The following PCDHGB5 variants were observed in gnomAD, a reference collection of about 807,000 sequenced individuals.
The protein encoded by PCDHGB5 is protocadherin gamma-B5.
In PCDHGB5, 48 loss-of-function variants were observed where a neutral mutation model predicts 62.9. The observed-to-expected ratio is 0.76, with a 90% CI of 0.61 to 0.97. The LOEUF is 0.97. Among genes scored for constraint, PCDHGB5 ranks in the 50% least tolerant of loss-of-function variants. The probability of loss-of-function intolerance (pLI) is 0.00; values close to 1 mark genes in which losing one functional copy is unlikely to be tolerated. For missense variants in PCDHGB5, 1,118 were observed against 1,198.6 expected (o/e 0.93, Z 0.99); for synonymous variants, 474 against 511.2 (o/e 0.93, Z 0.98).
In PCDHGB5 at chr5:141,400,037, G is replaced by A; in HGVS notation, c.1910G>A (p.Arg637His). The change falls in exon 1 of 4, where the codon CGC becomes CAC. Residue 637 changes from arginine (R) to histidine (H), a missense_variant. This residue lies in a region of PCDHGB5 where 1,034 missense variants were observed against 1,029.1 expected (regional missense o/e 1.00). Transcript: ENST00000617380. ...ALGDRDAARQ[R>H]LLVAVRDGGQ... The stretch of plus-strand genomic sequence containing the variant: ...GGCGACAGGGACGCGGCCCGCCAGC[G>A]CCTGCTGGTTGCTGTGCGTGATGGT... 4 of 1,613,246 alleles carry A rather than the reference G, an allele frequency of 2.5e-6. No individual in the cohort carries two copies. The highest frequency in any genetic ancestry group is 1.3e-5 in the African/African-American group (1 of 75,050).
chr5:141,469,747 C>T (rs1392088794), intron 1 of PCDHGB5, among the ~76,000 whole-genome samples: 1 of 152,134 alleles, frequency 6.6e-6, no homozygotes, highest in Non-Finnish European at 1.5e-5. Context: ...TCAAAAATTA[C>T]AAAAATACAT....
intron 1 of PCDHGB5, among the ~76,000 whole-genome samples, chr5:141,466,080 C>A (rs1186062704): frequency 6.6e-6 from 1 of 152,108 alleles, no homozygotes; most frequent in East Asian, 1.9e-4. Flanking sequence ...TGATATCATG[C>A]CACTGCACTC....
intron 1 of PCDHGB5, chr5:141,413,798 AAG>A (rs914638812): frequency 2.7e-5 from 44 of 1,613,066 alleles, no homozygotes; most frequent in Non-Finnish European, 3.5e-5. Context: ...GATCGCGAGG[AAG>A]AGGCCATTCA....
At chr5:141,418,742 G>GA in intron 1 of PCDHGB5, 1 of 1,613,896 alleles carries the variant, frequency 6.2e-7, no homozygotes, top group Non-Finnish European at 8.5e-7. Flanking sequence ...GTTCTCTCTG[G>GA]ATTACACTAC....
chr5:141,399,663 G>T lies in PCDHGB5; in HGVS notation c.1536G>T (p.Ala512=), dbSNP rs766997364. 4 of 1,613,506 alleles carry T rather than the reference G, an allele frequency of 2.5e-6. No homozygotes were observed. The highest frequency in any genetic ancestry group is 3.3e-5 in the Admixed American group (2 of 60,000). ...SMSAQSGVVF[A]QRAFDYEQLR... Reference sequence around the variant, plus strand: ...GCGCGCAAAGTGGGGTGGTGTTCGCGCAGCGCGCCTTTGACTACGAGCAGC... The same window carrying T: ...GCGCGCAAAGTGGGGTGGTGTTCGCTCAGCGCGCCTTTGACTACGAGCAGC... Residue 512 remains alanine, a synonymous_variant, in exon 1 of 4, where the codon GCG becomes GCT. Transcript: ENST00000617380.
chr5:141,482,609 A>G (rs2099569274), intron 1 of PCDHGB5, among the ~76,000 whole-genome samples: 1 of 151,770 alleles, frequency 6.6e-6, no homozygotes, highest in African/African-American at 2.4e-5. Context: ...AAACACCTAA[A>G]TGAGCCTGGA....
chr5:141,431,685 A>C lies in PCDHGB5; in HGVS notation c.2397+31161A>C. The C allele has an allele frequency of 6.2e-7, 1 of 1,614,246 alleles. No homozygotes were observed. Among genetic ancestry groups the C allele is most frequent in the East Asian group, 2.2e-5 (1 of 44,876 alleles). ...ATATCAACAATAGGGGAGTTGGACCACGAGGAGTCAGGATTCTACCAGATG... is the reference window on the plus strand; with the variant it reads ...ATATCAACAATAGGGGAGTTGGACCCCGAGGAGTCAGGATTCTACCAGATG... On this transcript the variant is annotated intron_variant, in intron 1 of 3. Transcript: ENST00000617380. This position sits in a 1 kb window ranked among gnomAD's most constrained non-coding sequence, Gnocchi z 4.8.
intron 1 of PCDHGB5, chr5:141,403,146 G>A (rs1400601984): frequency 1.9e-6 from 3 of 1,613,938 alleles, no homozygotes; most frequent in African/African-American, 2.7e-5. Flanking sequence ...CGCCGAGTCC[G>A]CATCGTCTCT....
chr5:141,477,080 A>C lies in PCDHGB5; in HGVS notation c.2398-17727A>C. 1 of 1,614,254 alleles carries C rather than the reference A, an allele frequency of 6.2e-7. No homozygotes were observed. ...GGACACCAAACTCCATGAGATTTAC[A>C]TCCAGGCCAAAGACAAGGGCGCCAA... On this transcript the variant is annotated intron_variant, in intron 1 of 3. Coordinates refer to ENST00000617380, the MANE Select transcript of PCDHGB5 (RefSeq NM_018925.3). This position sits in a 1 kb window ranked among gnomAD's most constrained non-coding sequence, Gnocchi z 4.9.
chr5:141,490,896 G>C lies in PCDHGB5; in HGVS notation c.2398-3911G>C. The stretch of plus-strand genomic sequence containing the variant: ...TGCATGCCAACACATCTCTGCATGT[G>C]TTTGTCCTAGACGAGAATGATAATG... On this transcript the variant is annotated intron_variant, in intron 1 of 3. Coordinates refer to ENST00000617380, the MANE Select transcript of PCDHGB5 (RefSeq NM_018925.3). This position sits in a 1 kb window ranked among gnomAD's most constrained non-coding sequence, Gnocchi z 5.4. 2.5e-6 allele frequency: 4 copies of C among 1,613,938 alleles called. No homozygotes were observed. The highest frequency in any genetic ancestry group is 3.4e-6 in the Non-Finnish European group (4 of 1,179,922).
intron 1 of PCDHGB5, among the ~76,000 whole-genome samples, chr5:141,446,827 C>A (rs922071842): frequency 6.6e-6 from 1 of 152,114 alleles, no homozygotes; most frequent in Non-Finnish European, 1.5e-5. Context: ...TGGGTAGATC[C>A]TTATAAGGCT....
Position 141,413,628 on chromosome 5 carries a change from T to G in PCDHGB5, c.2397+13104T>G, listed in dbSNP as rs570797524. 4.3e-6 allele frequency: 7 copies of G among 1,613,878 alleles called. No homozygotes were observed. The African/African-American group carries it at 6.7e-5, about 15-fold the overall frequency. On this transcript the variant is annotated intron_variant, in intron 1 of 3. Coordinates refer to ENST00000617380, the MANE Select transcript of PCDHGB5 (RefSeq NM_018925.3). ...ACGTAAAAATTAATGAAAATGTCGC[T>G]GCGGGAATGCGTTTTCCTCTCCCGG...
rs1438257730 is a variant in PCDHGB5, at chr5:141,477,587, C to G, written c.2398-17220C>G. 4.3e-6 allele frequency: 7 copies of G among 1,614,094 alleles called. 1 individual carries two copies. In the South Asian group the frequency reaches 7.7e-5, roughly 18 times the overall value. ...GGACCCCGACGCCCCGCAGAATGCT[C>G]GGCTTTCTTTCTTTCTCTTGGAGCA... On this transcript the variant is annotated intron_variant, in intron 1 of 3. Transcript: ENST00000617380. The surrounding 1 kb of genome is among the most constrained non-coding windows in gnomAD (Gnocchi z 4.9).
intron 2 of PCDHGB5, among the ~76,000 whole-genome samples, chr5:141,500,416 A>G: frequency 6.6e-6 from 1 of 151,634 alleles, no homozygotes; most frequent in East Asian, 2.0e-4. Flanking sequence ...TCACCGTGTT[A>G]GCCAGGATGG....
rs200524415 is a variant in PCDHGB5, at chr5:141,487,436, G to C, written c.2398-7371G>C. 1 of 1,614,176 alleles carries C rather than the reference G, an allele frequency of 6.2e-7. No individual in the cohort carries two copies. Among genetic ancestry groups the C allele is most frequent in the East Asian group, 2.2e-5 (1 of 44,870 alleles). ...CAATGGGATCCTCCGAATCCAGCTAGGGTCAGATGACCCTATCAAGTTTGT... is the reference window on the plus strand; with the variant it reads ...CAATGGGATCCTCCGAATCCAGCTACGGTCAGATGACCCTATCAAGTTTGT... On this transcript the variant is annotated intron_variant, in intron 1 of 3. Coordinates refer to ENST00000617380, the MANE Select transcript of PCDHGB5 (RefSeq NM_018925.3). This position sits in a 1 kb window ranked among gnomAD's most constrained non-coding sequence, Gnocchi z 5.0.
intron 1 of PCDHGB5, chr5:141,430,546 G>A (rs1323295073): frequency 2.5e-6 from 1 of 402,156 alleles, no homozygotes; most frequent in Non-Finnish European, 4.4e-6. Context: ...GAGCGCCGCT[G>A]TTCACCAATC....
chr5:141,403,595 T>G (rs2094430008), intron 1 of PCDHGB5: 1 of 1,613,824 alleles, frequency 6.2e-7, no homozygotes, highest in East Asian at 2.2e-5. Flanking sequence ...CCTCACGGCC[T>G]CGGATGGCGG....
intron 1 of PCDHGB5, chr5:141,410,353 C>T: frequency 1.9e-6 from 3 of 1,614,078 alleles, no homozygotes; most frequent in Non-Finnish European, 2.5e-6. Flanking sequence ...GCCTGCGACG[C>T]TCTCTCAGCC....
intron 3 of PCDHGB5, among the ~76,000 whole-genome samples, chr5:141,508,789 A>C: frequency 1.4e-5 from 2 of 145,944 alleles, no homozygotes; most frequent in African/African-American, 2.6e-5. Context: ...CCCCTAAATC[A>C]CTCTGGAATC....
Sources: gnomAD v4.1 joint callset for allele counts (sites outside exome capture counted in the v4.1 genomes callset) on GRCh38, gnomAD v4.1.1 for gene constraint, gnomAD v4.1.1 regional missense constraint, Gnocchi (gnomAD v3.1) non-coding constraint, MANE v1.5 for transcripts, NCBI Gene and HGNC (gene_info 2026-07-23, HGNC 2026-07-21) for gene names.